The following LMOD1 variants were observed in gnomAD, a reference collection of about 807,000 sequenced individuals.
The protein encoded by LMOD1 is leiomodin-1.
Under a neutral mutation model 36.5 loss-of-function variants are expected in LMOD1, and 8 were observed. The ratio of observed to expected loss-of-function variants is 0.22; its 90% confidence interval spans 0.13 to 0.40. LMOD1 has a LOEUF of 0.40. Among genes scored for constraint, LMOD1 ranks in the 10% least tolerant of loss-of-function variants. The pLI, the probability that LMOD1 is intolerant of heterozygous loss-of-function variation, is 1.00. For synonymous variants in LMOD1, 284 were observed against 288.7 expected (o/e 0.98, Z 0.17); for missense variants, 630 against 751.1 (o/e 0.84, Z 1.88).
intron 1 of LMOD1, among the ~76,000 whole-genome samples, chr1:201,926,065 C>T (rs1274990057): frequency 2.0e-5 from 3 of 152,146 alleles, no homozygotes; most frequent in Non-Finnish European, 2.9e-5. Context: ...GAAGAAAAAC[C>T]AGGCATATGT....
At chr1:201,913,122 A>T (rs1462311986) in intron 1 of LMOD1, among the ~76,000 whole-genome samples, 1 of 152,192 alleles carries the variant, frequency 6.6e-6, no homozygotes, top group African/African-American at 2.4e-5. Context: ...AGCTGGGACC[A>T]GGCGGGGGAC....
At position 201,900,565 on chromosome 1, in the gene LMOD1, T is replaced by C. The variant is rs755194831; in HGVS notation, c.448A>G (p.Lys150Glu). 1.2e-6 allele frequency: 2 copies of C among 1,613,886 alleles called. No individual in the cohort carries two copies. The highest frequency in any genetic ancestry group is 1.7e-6 in the Non-Finnish European group (2 of 1,179,868). Residue 150 changes from lysine to glutamate, a missense_variant, in exon 2 of 3, where the codon AAG becomes GAG. By Grantham distance (56) the Lys-to-Glu change is moderately conservative. This residue lies in a region of LMOD1 where 405 missense variants were observed against 400.6 expected (regional missense o/e 1.01). Coordinates refer to ENST00000367288, the MANE Select transcript of LMOD1 (RefSeq NM_012134.3). The part of the protein sequence containing the change: ...EAGGKSGEKP[K>E]EEKIIRGIDK... ...ATGCCCCGGATGATCTTCTCCTCCT[T>C]GGGCTTCTCGCCACTCTTGCCACCA... is the stretch of plus-strand genomic sequence containing the variant.
intron 1 of LMOD1, among the ~76,000 whole-genome samples, chr1:201,936,734 C>G (rs1162615030): frequency 6.6e-6 from 1 of 152,040 alleles, no homozygotes; most frequent in African/African-American, 2.4e-5. Context: ...GTCAGGAGTT[C>G]GAGACCAGCC....
intron 1 of LMOD1, among the ~76,000 whole-genome samples, chr1:201,912,727 C>T (rs1454389429): frequency 2.6e-5 from 4 of 151,894 alleles, no homozygotes; most frequent in South Asian, 2.1e-4. Context: ...GGCGTGGTGG[C>T]GGGCGCCTGT....
At chr1:201,943,985 C>T (rs1030385382) in intron 1 of LMOD1, among the ~76,000 whole-genome samples, 3 of 152,234 alleles carry the variant, frequency 2.0e-5, no homozygotes, top group Admixed American at 1.3e-4. Flanking sequence ...GGTTCATTCT[C>T]ACCCAGATTT....
In LMOD1 at chr1:201,896,504, C is replaced by T. The variant is rs4987074; in HGVS notation, c.*1868G>A. ...TGTGATCATGGATATATTAGTTAAC[C>T]TCTCTGGGCCAAATTCTATCTGCAA... On this transcript the variant is annotated 3_prime_UTR_variant, in exon 3 of 3. Coordinates refer to ENST00000367288, the MANE Select transcript of LMOD1 (RefSeq NM_012134.3). The T allele has an allele frequency of 2.5e-3, 1,159 of 456,724 alleles. 8 individuals carry two copies. The highest frequency in any genetic ancestry group is 4.2e-3 in the Middle Eastern group (13 of 3,076). 28.3% of individuals were successfully genotyped at this position (456,724 alleles called of 1,614,324 possible).
At chr1:201,913,094 A>C (rs189853752) in intron 1 of LMOD1, among the ~76,000 whole-genome samples, 48 of 152,308 alleles carry the variant, frequency 3.2e-4, no homozygotes, top group Admixed American at 2.9e-3. Flanking sequence ...GCCCAGCCTC[A>C]CTGGGCCAGA....
At chr1:201,938,879 T>G (rs995443039) in intron 1 of LMOD1, among the ~76,000 whole-genome samples, 1 of 152,352 alleles carries the variant, frequency 6.6e-6, no homozygotes, top group Non-Finnish European at 1.5e-5. Flanking sequence ...TTGGCTTTTC[T>G]GAGCTTGTGC....
chr1:201,925,043 CT>C (rs774092081), intron 1 of LMOD1, among the ~76,000 whole-genome samples: 68 of 152,156 alleles, frequency 4.5e-4, no homozygotes, highest in Non-Finnish European at 7.5e-4. Flanking sequence ...TAGTGAAACG[CT>C]GTCTCTACTA....
At chr1:201,917,043 G>A (rs1022028852) in intron 1 of LMOD1, among the ~76,000 whole-genome samples, 3 of 152,196 alleles carry the variant, frequency 2.0e-5, no homozygotes, top group Admixed American at 1.3e-4. Context: ...CACCATCTCA[G>A]GGCCTGCTCT....
chr1:201,944,546 C>T (rs573773670), intron 1 of LMOD1, among the ~76,000 whole-genome samples: 4 of 152,188 alleles, frequency 2.6e-5, no homozygotes, highest in Admixed American at 6.5e-5. Context: ...GTTGGGGTAC[C>T]GGGCCCTCAC....
intron 1 of LMOD1, among the ~76,000 whole-genome samples, chr1:201,929,224 T>C (rs1477287513): frequency 6.6e-6 from 1 of 152,016 alleles, no homozygotes; most frequent in African/African-American, 2.4e-5. Flanking sequence ...TGCCTCAGCC[T>C]CCCAAGTAAC....
intron 1 of LMOD1, among the ~76,000 whole-genome samples, chr1:201,915,164 G>A (rs750420605): frequency 7.9e-5 from 12 of 152,112 alleles, no homozygotes; most frequent in Non-Finnish European, 5.9e-5. Context: ...CTTCCCCATC[G>A]GTTTCCACCG....
chr1:201,916,768 G>C (rs192999902), intron 1 of LMOD1, among the ~76,000 whole-genome samples: 2 of 152,096 alleles, frequency 1.3e-5, no homozygotes, highest in Non-Finnish European at 1.5e-5. Flanking sequence ...CCTGACCTTC[G>C]CCTGGCTCTG....
Position 201,898,320 on chromosome 1 carries a change from G to T in LMOD1, c.*52C>A. ...GGGCAGGGTCTGTGTAGCCCTGGGA[G>T]GTGAGGCCTGAGCAGTCATGGCATT... On this transcript the variant is annotated 3_prime_UTR_variant, in exon 3 of 3. Transcript: ENST00000367288. The T allele has an allele frequency of 6.3e-7, 1 of 1,593,610 alleles. No individual in the cohort carries two copies. Among genetic ancestry groups the T allele is most frequent in the Non-Finnish European group, 8.6e-7 (1 of 1,166,904 alleles).
At chr1:201,936,758 G>A (rs1682027584) in intron 1 of LMOD1, among the ~76,000 whole-genome samples, 1 of 152,094 alleles carries the variant, frequency 6.6e-6, no homozygotes, top group South Asian at 2.1e-4. Flanking sequence ...CCAACATGGT[G>A]AAACCCCCTC....
At chr1:201,900,878 T>C in intron 1 of LMOD1, 127 bp from the exon 2 acceptor site, 7 of 791,372 alleles carry the variant, frequency 8.8e-6, no homozygotes, top group African/African-American at 1.7e-5. Context: ...TTGTGCTGTT[T>C]GGGAGAGTGG....
In LMOD1 at chr1:201,899,046, G is replaced by A. The variant is rs1018053133; in HGVS notation, c.1776+191C>T. ...GAAGGGTAGAGTCTCAGCTCTAGGG[G>A]ATATACAGGTGTGACCTGCCTGCAG... On this transcript the variant is annotated intron_variant, in intron 2 of 2. Transcript: ENST00000367288. This position sits in a 1 kb window ranked among gnomAD's most constrained non-coding sequence, Gnocchi z 6.3. 8 of 544,122 alleles carry A rather than the reference G, an allele frequency of 1.5e-5. No individual in the cohort carries two copies. The African/African-American group carries it at 1.5e-4, about 10-fold the overall frequency. 33.7% of individuals were successfully genotyped at this position (544,122 alleles called of 1,614,324 possible).
intron 1 of LMOD1, among the ~76,000 whole-genome samples, chr1:201,934,331 G>A (rs944149810): frequency 3.9e-5 from 6 of 152,088 alleles, no homozygotes; most frequent in Admixed American, 1.3e-4. Flanking sequence ...CACATTGCAC[G>A]TATGAGGCAA....
Sources: allele counts gnomAD v4.1 joint callset (sites outside exome capture counted in the v4.1 genomes callset), GRCh38; gene constraint gnomAD v4.1.1; regional missense constraint gnomAD v4.1.1; non-coding constraint Gnocchi (gnomAD v3.1); transcripts MANE v1.5; gene names NCBI Gene and HGNC (gene_info 2026-07-23, HGNC 2026-07-21).